Variants in VEZT observed in about 807,000 individuals in gnomAD.
The protein encoded by VEZT is vezatin, adherens junctions transmembrane protein, also known as vezatin.
In VEZT, 39 loss-of-function variants were observed where a neutral mutation model predicts 79.9. The observed-to-expected ratio is 0.49, with a 90% CI of 0.38 to 0.64. The LOEUF (loss-of-function observed/expected upper bound fraction) is 0.64, where lower values mean the gene tolerates loss of function less well. Among genes scored for constraint, VEZT ranks in the 30% least tolerant of loss-of-function variants. VEZT has a pLI of 0.00. For synonymous variants in VEZT, 325 were observed against 327.6 expected (o/e 0.99, Z 0.09); for missense variants, 837 against 893.1 (o/e 0.94, Z 0.80).
intron 9 of VEZT, among the ~76,000 whole-genome samples, chr12:95,289,081 C>CAAAAAAAAAAAAAAAAAAAAAAA (rs71078697): frequency 1.6e-5 from 2 of 123,042 alleles, no homozygotes; most frequent in Admixed American, 8.6e-5. Context: ...GACTCCGTCT[C>CAAAAAAAAAAAAAAAAAAAAAAA]AAAAAAAAAA....
chr12:95,234,734 A>G (rs962884923), intron 1 of VEZT, among the ~76,000 whole-genome samples: 14 of 152,016 alleles, frequency 9.2e-5, no homozygotes, highest in African/African-American at 3.1e-4. Context: ...ACAGGACAGT[A>G]GTGGAGGGAA....
chr12:95,282,431 G>A lies in VEZT; in HGVS notation c.1115G>A (p.Arg372His), dbSNP rs77931287. The A allele has an allele frequency of 2.7e-5, 44 of 1,613,828 alleles. 1 individual carries two copies. The highest frequency in any genetic ancestry group is 1.5e-4 in the African/African-American group (11 of 74,980). ...PLLTPALLPH[R>H]ILSDVTQGLP... ...CTTACTCCAGCACTTCTGCCTCATC[G>A]TATCTTATCTGATGTGACTCAAGGT... The change falls in exon 8 of 12, where the codon CGT becomes CAT. Residue 372 changes from arginine (R) to histidine (H), a missense_variant. Coordinates refer to ENST00000436874, the MANE Select transcript of VEZT (RefSeq NM_017599.4).
At chr12:95,281,338 T>C (rs1200564854) in intron 7 of VEZT, among the ~76,000 whole-genome samples, 1 of 152,076 alleles carries the variant, frequency 6.6e-6, no homozygotes, top group East Asian at 1.9e-4. Context: ...ATTAGCTGAG[T>C]ATGGTGGTAC....
chr12:95,235,825 G>A (rs1457884156), intron 1 of VEZT, among the ~76,000 whole-genome samples: 38 of 151,628 alleles, frequency 2.5e-4, no homozygotes, highest in African/African-American at 8.7e-4. Flanking sequence ...CAGACGGGGC[G>A]GCTGCCGGGC....
intron 3 of VEZT, among the ~76,000 whole-genome samples, chr12:95,257,688 C>A (rs1048730490): frequency 1.3e-5 from 2 of 152,106 alleles, no homozygotes; most frequent in African/African-American, 4.8e-5. Context: ...AATACTTCAA[C>A]CTTCTGACGT....
chr12:95,230,396 A>AT (rs896550926), intron 1 of VEZT, among the ~76,000 whole-genome samples: 9 of 147,334 alleles, frequency 6.1e-5, no homozygotes, highest in Non-Finnish European at 7.5e-5. Context: ...ATTAAAATGG[A>AT]TTTTTTTTTC....
intron 1 of VEZT, among the ~76,000 whole-genome samples, chr12:95,226,188 C>A (rs1375224454): frequency 6.6e-6 from 1 of 151,680 alleles, no homozygotes; most frequent in Admixed American, 6.6e-5. Flanking sequence ...AAATCTCTTA[C>A]ACCATACACC....
chr12:95,229,092 T>A (rs1389745668), intron 1 of VEZT, among the ~76,000 whole-genome samples: 1 of 152,214 alleles, frequency 6.6e-6, no homozygotes, highest in African/African-American at 2.4e-5. Context: ...ATAAAAATTA[T>A]TCTTGGGGAA....
chr12:95,255,464 C>T (rs544560361), intron 2 of VEZT, among the ~76,000 whole-genome samples: 11 of 152,182 alleles, frequency 7.2e-5, no homozygotes, highest in East Asian at 3.9e-4. Flanking sequence ...TGGAGTCTCG[C>T]GCTGTCGCCC....
chr12:95,242,796 C>T (rs2061210439), intron 1 of VEZT, among the ~76,000 whole-genome samples: 1 of 149,252 alleles, frequency 6.7e-6, no homozygotes. Flanking sequence ...TCACTTGAAC[C>T]TGGGAGGCGG....
At chr12:95,224,765 C>T (rs1169880306) in intron 1 of VEZT, among the ~76,000 whole-genome samples, 2 of 152,226 alleles carry the variant, frequency 1.3e-5, no homozygotes, top group South Asian at 2.1e-4. Context: ...AGTACTGTGT[C>T]ACCCATACAT....
chr12:95,233,757 G>A (rs1251240299), intron 1 of VEZT, among the ~76,000 whole-genome samples: 1 of 152,086 alleles, frequency 6.6e-6, no homozygotes, highest in Non-Finnish European at 1.5e-5. Flanking sequence ...TCATCTATAT[G>A]TGTATGTGTA....
chr12:95,297,997 A>G (rs2074517943), intron 11 of VEZT, among the ~76,000 whole-genome samples: 2 of 151,976 alleles, frequency 1.3e-5, no homozygotes, highest in African/African-American at 4.8e-5. Flanking sequence ...GCGCACACCT[A>G]TAATCCCAGC....
intron 6 of VEZT, among the ~76,000 whole-genome samples, chr12:95,274,073 T>C (rs1337982457): frequency 6.6e-6 from 1 of 152,170 alleles, no homozygotes; most frequent in African/African-American, 2.4e-5. Flanking sequence ...TGTCCTGCAG[T>C]ACGCAGACTG....
chr12:95,235,781 G>A (rs1048383497), intron 1 of VEZT, among the ~76,000 whole-genome samples: 1 of 151,792 alleles, frequency 6.6e-6, no homozygotes, highest in Non-Finnish European at 1.5e-5. Context: ...TTCCCAGACG[G>A]GGTGGCTGCC....
At chr12:95,260,005 C>A (rs1247728662) in intron 3 of VEZT, among the ~76,000 whole-genome samples, 1 of 151,638 alleles carries the variant, frequency 6.6e-6, no homozygotes, top group Non-Finnish European at 1.5e-5. Flanking sequence ...GCAATCTAAT[C>A]ACTAAGATAA....
intron 4 of VEZT, among the ~76,000 whole-genome samples, chr12:95,264,421 G>A (rs1476538820): frequency 2.0e-5 from 3 of 152,078 alleles, no homozygotes; most frequent in Admixed American, 6.6e-5. Context: ...GATTCTAAAG[G>A]AAATTAGGGC....
At chr12:95,250,049 C>T (rs1295542335) in intron 1 of VEZT, among the ~76,000 whole-genome samples, 1 of 141,770 alleles carries the variant, frequency 7.1e-6, no homozygotes, top group Non-Finnish European at 1.5e-5. Context: ...TCTCTAAAAC[C>T]TAATTATAGT....
chr12:95,246,184 G>A (rs1219029475), intron 1 of VEZT, among the ~76,000 whole-genome samples: 2 of 151,834 alleles, frequency 1.3e-5, no homozygotes, highest in Non-Finnish European at 2.9e-5. Context: ...GTGCAGTGGC[G>A]GGATCTCAGC....
Sources: allele counts gnomAD v4.1 joint callset (sites outside exome capture counted in the v4.1 genomes callset), GRCh38; gene constraint gnomAD v4.1.1; transcripts MANE v1.5; gene names NCBI Gene and HGNC (gene_info 2026-07-23, HGNC 2026-07-21).